The following GRM8 variants were observed in gnomAD, a reference collection of about 807,000 sequenced individuals.
GRM8 encodes metabotropic glutamate receptor 8.
GRM8 carries 47 observed loss-of-function variants against 87.2 expected under a neutral mutation model. That is an observed-to-expected ratio of 0.54 (90% CI 0.43 to 0.69). GRM8 has a LOEUF of 0.69. Ranked by LOEUF, GRM8 falls within the 30% of genes least tolerant of loss-of-function variation. The probability of loss-of-function intolerance (pLI) is 0.00; values close to 1 mark genes in which losing one functional copy is unlikely to be tolerated. For synonymous variants in GRM8, 396 were observed against 404.5 expected, an observed-to-expected ratio of 0.98 and a Z score of 0.25; for missense variants, 1,019 against 1,139.2, an observed-to-expected ratio of 0.89 and a Z score of 1.52.
At chr7:126,877,539 A>C (rs1014440909) in intron 6 of GRM8, among the ~76,000 whole-genome samples, 14 of 152,310 alleles carry the variant, frequency 9.2e-5, no homozygotes, top group African/African-American at 3.4e-4. Context: ...GGACAGTGCT[A>C]GTCTAGACAA....
At chr7:126,499,438 G>A (rs528583097) in intron 9 of GRM8, among the ~76,000 whole-genome samples, 12 of 150,774 alleles carry the variant, frequency 8.0e-5, no homozygotes, top group Middle Eastern at 3.4e-3. Context: ...TAGAATTATC[G>A]TATGATCCAA....
At chr7:127,033,538 G>C (rs568600258) in intron 3 of GRM8, among the ~76,000 whole-genome samples, 41 of 152,050 alleles carry the variant, frequency 2.7e-4, no homozygotes, top group Non-Finnish European at 4.7e-4. Context: ...TTATTTTACA[G>C]ATGAGAAAAC....
At chr7:126,522,071 A>C (rs1813062438) in intron 9 of GRM8, among the ~76,000 whole-genome samples, 2 of 152,198 alleles carry the variant, frequency 1.3e-5, no homozygotes, top group African/African-American at 4.8e-5. Flanking sequence ...TTTAGTCCAG[A>C]CCAGAGAGAA....
chr7:126,840,799 C>T lies in GRM8; in HGVS notation c.1156+61743G>A, dbSNP rs780698151. Among the ~76,000 whole-genome samples, 9 of 152,182 alleles carry T rather than the reference C, an allele frequency of 5.9e-5. No homozygotes were observed. The South Asian group carries it at 6.2e-4, about 11-fold the overall frequency. On this transcript the variant is annotated intron_variant, in intron 6 of 10. Coordinates refer to ENST00000339582, the MANE Select transcript of GRM8 (RefSeq NM_000845.3). Reference sequence around the variant, plus strand: ...ATTTAATAATTTTCTTTCATTTTAACGGTAGAAATTATACACCAATTTCAT... The same window carrying T: ...ATTTAATAATTTTCTTTCATTTTAATGGTAGAAATTATACACCAATTTCAT...
At chr7:127,147,515 C>T (rs1250652844) in intron 2 of GRM8, among the ~76,000 whole-genome samples, 3 of 152,002 alleles carry the variant, frequency 2.0e-5, no homozygotes, top group Admixed American at 1.3e-4. Context: ...GGCAAATTCC[C>T]TCCTATCCCC....
chr7:126,590,352 A>G (rs910728811), intron 8 of GRM8, among the ~76,000 whole-genome samples: 3 of 152,014 alleles, frequency 2.0e-5, no homozygotes, highest in African/African-American at 7.2e-5. Flanking sequence ...ATTTAAAAAA[A>G]TGAACAAAGC....
At chr7:126,735,585 A>G (rs1291225547) in intron 7 of GRM8, among the ~76,000 whole-genome samples, 1 of 152,094 alleles carries the variant, frequency 6.6e-6, no homozygotes, top group African/African-American at 2.4e-5. Context: ...ATAATTGAAC[A>G]AGTAAATTGT....
At chr7:127,053,625 TAAA>T (rs1819690573) in intron 3 of GRM8, among the ~76,000 whole-genome samples, 1 of 151,946 alleles carries the variant, frequency 6.6e-6, no homozygotes, top group South Asian at 2.1e-4. Flanking sequence ...CCGTCTCTCC[TAAA>T]AATACAAAAA....
chr7:126,488,893 T>C (rs893083816), intron 9 of GRM8, among the ~76,000 whole-genome samples: 4 of 151,792 alleles, frequency 2.6e-5, no homozygotes, highest in Non-Finnish European at 4.4e-5. Flanking sequence ...TGTGCCCCTA[T>C]TGTATTTGTA....
intron 9 of GRM8, among the ~76,000 whole-genome samples, chr7:126,531,612 C>A (rs1814833033): frequency 6.6e-6 from 1 of 152,198 alleles, no homozygotes. Context: ...GCCTCTACAA[C>A]TCTGCAATGT....
intron 6 of GRM8, among the ~76,000 whole-genome samples, chr7:126,847,531 C>A (rs1207925825): frequency 6.6e-6 from 1 of 152,096 alleles, no homozygotes; most frequent in Non-Finnish European, 1.5e-5. Flanking sequence ...GGGCTGGTGT[C>A]ATCTGAAGTA....
At position 127,144,939 on chromosome 7, in the gene GRM8, C is replaced by T. The variant is rs538487284; in HGVS notation, c.511-38227G>A. Among the ~76,000 whole-genome samples the T allele has an allele frequency of 2.6e-5, 4 of 152,198 alleles. No individual in the cohort carries two copies. In the East Asian group the frequency reaches 7.8e-4, roughly 29 times the overall value. Reference sequence around the variant, plus strand: ...GTTCTAGCAGAAAAAAATGATCTTTCAAACTATGCTCTTATGTTTCTTTAA... The same window carrying T: ...GTTCTAGCAGAAAAAAATGATCTTTTAAACTATGCTCTTATGTTTCTTTAA... On this transcript the variant is annotated intron_variant, in intron 2 of 10. Transcript: ENST00000339582.
At chr7:126,690,502 G>A (rs910298707) in intron 7 of GRM8, among the ~76,000 whole-genome samples, 4 of 152,196 alleles carry the variant, frequency 2.6e-5, no homozygotes, top group African/African-American at 7.2e-5. Context: ...AGGAACCGCA[G>A]AGCCCCAAGA....
chr7:126,443,743 C>G (rs1249377148), intron 10 of GRM8, among the ~76,000 whole-genome samples: 1 of 151,844 alleles, frequency 6.6e-6, no homozygotes. Flanking sequence ...CCAAATAGGC[C>G]TTGTTTTTGC....
chr7:126,652,200 C>T (rs1156808616), intron 7 of GRM8, among the ~76,000 whole-genome samples: 3 of 152,110 alleles, frequency 2.0e-5, no homozygotes, highest in African/African-American at 4.8e-5. Context: ...GTTTAAGTAT[C>T]GTTAGCTTTA....
intron 7 of GRM8, among the ~76,000 whole-genome samples, chr7:126,662,657 C>T (rs1383926245): frequency 3.9e-5 from 6 of 152,120 alleles, no homozygotes; most frequent in Non-Finnish European, 7.4e-5. Context: ...TGTTCCTAAA[C>T]TTAGAGTCAG....
chr7:126,729,128 T>G (rs111947100), intron 7 of GRM8, among the ~76,000 whole-genome samples: 1,699 of 152,288 alleles, frequency 0.011, 22 homozygotes, highest in African/African-American at 0.038. Context: ...CCCACCTGTA[T>G]GAAGTTCAGC....
intron 7 of GRM8, among the ~76,000 whole-genome samples, chr7:126,674,538 A>G (rs1465033786): frequency 1.3e-5 from 2 of 152,216 alleles, no homozygotes; most frequent in Non-Finnish European, 2.9e-5. Flanking sequence ...TATAAGAAAT[A>G]TACTGGAGAA....
intron 6 of GRM8, among the ~76,000 whole-genome samples, chr7:126,787,188 A>G (rs1439857609): frequency 2.0e-5 from 3 of 152,288 alleles, no homozygotes; most frequent in Non-Finnish European, 4.4e-5. Flanking sequence ...CCCGGGTGTG[A>G]CCACTCTGAG....
Sources: gnomAD v4.1 joint callset for allele counts (sites outside exome capture counted in the v4.1 genomes callset) on GRCh38, gnomAD v4.1.1 for gene constraint, MANE v1.5 for transcripts, NCBI Gene and HGNC (gene_info 2026-07-23, HGNC 2026-07-21) for gene names.